Variants in SORCS1 observed in about 807,000 individuals in gnomAD.
The protein encoded by SORCS1 is sortilin related VPS10 domain containing receptor 1.
In SORCS1, 60 loss-of-function variants were observed where a neutral mutation model predicts 146.1. That is an observed-to-expected ratio of 0.41 (90% CI 0.33 to 0.51). The LOEUF (loss-of-function observed/expected upper bound fraction) is 0.51, where lower values mean the gene tolerates loss of function less well. Among genes scored for constraint, SORCS1 ranks in the 20% least tolerant of loss-of-function variants. The pLI, the probability that SORCS1 is intolerant of heterozygous loss-of-function variation, is 0.21. For synonymous variants in SORCS1, 637 were observed against 584.0 expected (o/e 1.09, Z -1.31); for missense variants, 1,352 against 1,487.6 (o/e 0.91, Z 1.50).
chr10:107,163,276 G>A (rs1969843125), intron 1 of SORCS1, among the ~76,000 whole-genome samples: 1 of 152,158 alleles, frequency 6.6e-6, no homozygotes, highest in Non-Finnish European at 1.5e-5. Context: ...GGATATATCT[G>A]ATCTTCCTGG....
At chr10:106,983,287 T>C (rs1291669586) in intron 1 of SORCS1, among the ~76,000 whole-genome samples, 1 of 149,472 alleles carries the variant, frequency 6.7e-6, no homozygotes, top group Non-Finnish European at 1.5e-5. Context: ...TACATATTTC[T>C]ATTCTTAGAA....
At chr10:106,648,176 T>C (rs1179089856) in intron 18 of SORCS1, among the ~76,000 whole-genome samples, 2 of 151,788 alleles carry the variant, frequency 1.3e-5, no homozygotes, top group Non-Finnish European at 2.9e-5. Context: ...GTATTTGTTT[T>C]CTATTTGTCT....
At chr10:106,800,756 T>C (rs1398574115) in intron 3 of SORCS1, among the ~76,000 whole-genome samples, 6 of 152,062 alleles carry the variant, frequency 3.9e-5, no homozygotes, top group Admixed American at 2.0e-4. Flanking sequence ...TTAGCCAGGA[T>C]GGTCTCGATC....
chr10:106,972,314 G>A (rs998817909), intron 1 of SORCS1, among the ~76,000 whole-genome samples: 4 of 149,864 alleles, frequency 2.7e-5, no homozygotes, highest in African/African-American at 9.9e-5. Context: ...CTAGGAGGCA[G>A]AGGTTGCAGT....
At position 106,611,961 on chromosome 10, in the gene SORCS1, G is replaced by A; in HGVS notation, c.2983C>T (p.Pro995Ser). The part of the protein sequence containing the change: ...PNLDDYNPDI[P>S]EWRRDIGRVI... ...CGACCGATGTCCCTCCTCCACTCAG[G>A]GATGTCCGGGTTGTAGTCATCCAGG... is the stretch of plus-strand genomic sequence containing the variant. The change falls in exon 22 of 26, where the codon CCT becomes TCT. Residue 995 changes from proline to serine, a missense_variant. By Grantham distance (74) the Pro-to-Ser change is moderately conservative. This residue lies in a region of SORCS1 where 648 missense variants were observed against 793.8 expected (regional missense o/e 0.82). Coordinates refer to ENST00000263054, the MANE Select transcript of SORCS1 (RefSeq NM_052918.5). The A allele has an allele frequency of 1.9e-6, 3 of 1,614,138 alleles. No homozygotes were observed. The highest frequency in any genetic ancestry group is 2.5e-6 in the Non-Finnish European group (3 of 1,180,012).
intron 1 of SORCS1, among the ~76,000 whole-genome samples, chr10:107,057,271 C>T (rs935621136): frequency 2.0e-5 from 3 of 152,176 alleles, no homozygotes; most frequent in Admixed American, 6.5e-5. Flanking sequence ...ATCTTACTTA[C>T]AAGGGGCCAT....
At chr10:107,140,854 T>C (rs1360429464) in intron 1 of SORCS1, among the ~76,000 whole-genome samples, 2 of 152,206 alleles carry the variant, frequency 1.3e-5, no homozygotes. Flanking sequence ...AGTTTCATTT[T>C]ATGAATGATG....
At chr10:106,973,485 T>G (rs1250584913) in intron 1 of SORCS1, among the ~76,000 whole-genome samples, 1 of 152,088 alleles carries the variant, frequency 6.6e-6, no homozygotes, top group East Asian at 1.9e-4. Context: ...TGTGAATCAC[T>G]CTCTGCCAAG....
chr10:107,101,464 CTA>C (rs1032627142), intron 1 of SORCS1, among the ~76,000 whole-genome samples: 1 of 152,212 alleles, frequency 6.6e-6, no homozygotes, highest in African/African-American at 2.4e-5. Flanking sequence ...TGTTTAAACT[CTA>C]TGGGTTTTGA....
chr10:106,684,325 G>T (rs775114616), intron 10 of SORCS1, among the ~76,000 whole-genome samples: 2 of 152,126 alleles, frequency 1.3e-5, no homozygotes, highest in Non-Finnish European at 2.9e-5. Flanking sequence ...GTGACAAAGT[G>T]AGACTCAGTC....
intron 2 of SORCS1, among the ~76,000 whole-genome samples, chr10:106,903,731 A>C (rs1951809844): frequency 6.6e-6 from 1 of 152,174 alleles, no homozygotes; most frequent in South Asian, 2.1e-4. Flanking sequence ...ATCAAATTCT[A>C]CTTACTATGA....
chr10:106,694,810 G>C (rs1010549843), intron 9 of SORCS1, among the ~76,000 whole-genome samples: 5 of 152,184 alleles, frequency 3.3e-5, no homozygotes, highest in African/African-American at 1.2e-4. Flanking sequence ...ACACATTCTT[G>C]TGTATTCTGA....
chr10:107,067,403 A>G (rs1266437093), intron 1 of SORCS1, among the ~76,000 whole-genome samples: 3 of 152,066 alleles, frequency 2.0e-5, no homozygotes, highest in Admixed American at 1.3e-4. Context: ...TATTGGCCTC[A>G]TAGACTTGTT....
At chr10:106,776,142 T>A (rs1007750507) in intron 4 of SORCS1, among the ~76,000 whole-genome samples, 2 of 152,220 alleles carry the variant, frequency 1.3e-5, no homozygotes, top group African/African-American at 2.4e-5. Context: ...CTTAAACTTT[T>A]CAGGGTTATG....
At chr10:106,994,417 G>T (rs1041105650) in intron 1 of SORCS1, among the ~76,000 whole-genome samples, 4 of 151,970 alleles carry the variant, frequency 2.6e-5, no homozygotes, top group African/African-American at 4.8e-5. Flanking sequence ...AGTAATCCGG[G>T]AATTAAAAAA....
At chr10:107,180,460 G>A in the SORCS1 span, among the ~76,000 whole-genome samples, 1 of 152,086 alleles carries the variant, frequency 6.6e-6, no homozygotes, top group Non-Finnish European at 1.5e-5. Flanking sequence ...AGAACTATTA[G>A]TTGAAAGGCT....
At chr10:107,071,046 CT>C (rs922742274) in intron 1 of SORCS1, among the ~76,000 whole-genome samples, 1 of 152,148 alleles carries the variant, frequency 6.6e-6, no homozygotes, top group Non-Finnish European at 1.5e-5. Flanking sequence ...TAAACATTTG[CT>C]TTGGCTATAT....
chr10:106,976,333 G>GT lies in SORCS1; in HGVS notation c.559-19754dup, dbSNP rs1554901318. Among the ~76,000 whole-genome samples, 513 of 113,776 alleles carry GT rather than the reference G, an allele frequency of 4.5e-3. 2 individuals are homozygous for GT. Among genetic ancestry groups the GT allele is most frequent in the South Asian group, 0.011 (42 of 3,698 alleles). 74.6% of individuals were successfully genotyped at this position (113,776 alleles called of 152,430 possible). A position where few individuals can be genotyped will look rare whatever the true frequency, so the allele number is the denominator to read the frequency against. On this transcript the variant is annotated intron_variant, in intron 1 of 25. Coordinates refer to ENST00000263054, the MANE Select transcript of SORCS1 (RefSeq NM_052918.5). ...ATCAACTCATCATCTAGGTTTTTTT[G>GT]TTTTTTTTTTTTTTTTGAGACGGAG...
intron 2 of SORCS1, among the ~76,000 whole-genome samples, chr10:106,929,927 G>A (rs897218446): frequency 3.9e-5 from 6 of 152,236 alleles, no homozygotes; most frequent in Non-Finnish European, 7.3e-5. Flanking sequence ...AACAGAGAAT[G>A]GATGGGAGGA....
Sources: allele counts gnomAD v4.1 joint callset (sites outside exome capture counted in the v4.1 genomes callset), GRCh38; gene constraint gnomAD v4.1.1; regional missense constraint gnomAD v4.1.1; transcripts MANE v1.5; gene names NCBI Gene and HGNC (gene_info 2026-07-23, HGNC 2026-07-21).